The following IGSF10 variants were observed in gnomAD, a reference collection of about 807,000 sequenced individuals.
The protein encoded by IGSF10 is immunoglobulin superfamily member 10.
IGSF10 carries 126 observed loss-of-function variants against 128.2 expected under a neutral mutation model. That is an observed-to-expected ratio of 0.98 (90% CI 0.85 to 1.14). The LOEUF is 1.14. Ranked by LOEUF, IGSF10 falls within the 50% of genes most tolerant of loss-of-function variation. IGSF10 has a pLI of 0.00. For missense variants in IGSF10, 3,295 were observed against 3,149.8 expected (o/e 1.05, Z -1.10); for synonymous variants, 1,185 against 1,146.2 (o/e 1.03, Z -0.68).
At chr3:151,462,191 G>A (rs563034778), upstream of IGSF10, among the ~76,000 whole-genome samples, 10 of 152,038 alleles carry the variant, frequency 6.6e-5, no homozygotes, top group African/African-American at 2.2e-4. Flanking sequence ...TTCCTTCCAC[G>A]TAGTTACATA....
At chr3:151,572,364 T>G in the IGSF10 span, among the ~76,000 whole-genome samples, 7 of 152,202 alleles carry the variant, frequency 4.6e-5, no homozygotes, top group African/African-American at 9.7e-5. Context: ...CTTTTTTTAG[T>G]TGGTAGGCTA....
chr3:151,461,455 C>T, upstream of IGSF10: 1 of 980,010 alleles, frequency 1.0e-6, no homozygotes, highest in Non-Finnish European at 1.2e-6. Context: ...TTATTTAAAC[C>T]CCTCTTTTAA....
chr3:151,432,702 T>C (rs535836726), downstream of IGSF10: 11 of 1,386,476 alleles, frequency 7.9e-6, no homozygotes, highest in African/African-American at 1.4e-4. Context: ...CATCCATCTG[T>C]GCAATAGTTT....
At position 151,446,218 on chromosome 3, in the gene IGSF10, G is replaced by C; in HGVS notation, c.3763C>G (p.Leu1255Val). The stretch of plus-strand genomic sequence containing the variant: ...GGAATTTGCATCACACTTGTTGAAA[G>C]TGTGGTGAAATGGAAAGGGGAGACT... ...DKVSPFHFTT[L>V]STSVMQIPSN... The change falls in exon 6 of 8, where the codon CTT (leucine) becomes GTT (valine). Residue 1255 changes from leucine to valine, a missense_variant. Transcript: ENST00000282466. 8 of 1,613,758 alleles carry C rather than the reference G, an allele frequency of 5.0e-6. No homozygotes were observed. The highest frequency in any genetic ancestry group is 6.8e-6 in the Non-Finnish European group (8 of 1,179,654).
chr3:151,511,410 A>G, the IGSF10 span, among the ~76,000 whole-genome samples: 2 of 152,236 alleles, frequency 1.3e-5, no homozygotes, highest in African/African-American at 4.8e-5. Context: ...CAGGCAAGCA[A>G]ATGCTGAGAG....
the IGSF10 span, among the ~76,000 whole-genome samples, chr3:151,469,146 C>G: frequency 7.9e-5 from 12 of 152,312 alleles, no homozygotes; most frequent in South Asian, 2.5e-3. Flanking sequence ...CATTGTTGGG[C>G]ATTTGGGTTG....
chr3:151,556,733 A>C, the IGSF10 span, among the ~76,000 whole-genome samples: 10 of 152,062 alleles, frequency 6.6e-5, no homozygotes, highest in Non-Finnish European at 1.0e-4. Context: ...ATGGTAGGTA[A>C]GTTTCAGATT....
chr3:151,452,152 G>C (rs1200628856), intron 5 of IGSF10, among the ~76,000 whole-genome samples: 1 of 152,212 alleles, frequency 6.6e-6, no homozygotes, highest in African/African-American at 2.4e-5. Context: ...GATAACACTT[G>C]ATTATTAAGA....
chr3:151,587,933 G>A, the IGSF10 span, among the ~76,000 whole-genome samples: 2 of 152,198 alleles, frequency 1.3e-5, no homozygotes, highest in African/African-American at 4.8e-5. Flanking sequence ...ACATGGAACT[G>A]TAAGTCCAAT....
At chr3:151,473,925 A>G in the IGSF10 span, among the ~76,000 whole-genome samples, 1 of 152,066 alleles carries the variant, frequency 6.6e-6, no homozygotes, top group Admixed American at 6.6e-5. Flanking sequence ...ACTAGCTTTG[A>G]AAAAGATAAG....
chr3:151,473,700 A>G, the IGSF10 span, among the ~76,000 whole-genome samples: 1 of 151,892 alleles, frequency 6.6e-6, no homozygotes, highest in Non-Finnish European at 1.5e-5. Flanking sequence ...AACTTGACTG[A>G]CCTCTGCTCA....
chr3:151,468,956 C>T, the IGSF10 span, among the ~76,000 whole-genome samples: 5 of 152,296 alleles, frequency 3.3e-5, no homozygotes, highest in Admixed American at 2.0e-4. Flanking sequence ...TCTCATTGTT[C>T]AGCTCCCACT....
the IGSF10 span, among the ~76,000 whole-genome samples, chr3:151,587,695 TC>T: frequency 6.6e-6 from 1 of 152,226 alleles, no homozygotes; most frequent in Non-Finnish European, 1.5e-5. Flanking sequence ...GAATTGTAAC[TC>T]CCATAATTCC....
the IGSF10 span, among the ~76,000 whole-genome samples, chr3:151,567,541 C>T: frequency 6.6e-6 from 1 of 152,120 alleles, no homozygotes; most frequent in African/African-American, 2.4e-5. Context: ...ATGGCCTCTC[C>T]CAGCATTAGT....
Position 151,445,358 on chromosome 3 carries a change from G to A in IGSF10, c.4623C>T (p.Phe1541=), listed in dbSNP as rs146031878. ...NAKFTIGTTH[F]IYSNLLHSTP... ...TAGAATGTAACAGATTAGAGTAGAT[G>A]AAGTGAGTGGTTCCAATTGTGAACT... is the stretch of plus-strand genomic sequence containing the variant. The change falls in exon 6 of 8, where the codon TTC becomes TTT. Residue 1541 remains phenylalanine (F), a synonymous_variant. Coordinates refer to ENST00000282466, the MANE Select transcript of IGSF10 (RefSeq NM_178822.5). 6.2e-7 allele frequency: 1 copy of A among 1,614,094 alleles called. No homozygotes were observed. Among genetic ancestry groups the A allele is most frequent in the Non-Finnish European group, 8.5e-7 (1 of 1,180,006 alleles).
At chr3:151,435,989 A>G (rs1190535932), downstream of IGSF10, 1 of 152,196 alleles carries the variant, frequency 6.6e-6, no homozygotes, top group East Asian at 1.9e-4. Context: ...AAGAAGTTTC[A>G]TTGTATTTTT....
At chr3:151,459,656 T>C (rs1202507678) in intron 2 of IGSF10, among the ~76,000 whole-genome samples, 2 of 151,996 alleles carry the variant, frequency 1.3e-5, no homozygotes, top group Admixed American at 6.5e-5. Flanking sequence ...GGAAGAAATA[T>C]GCTCAGCTTG....
chr3:151,515,861 C>T, the IGSF10 span, among the ~76,000 whole-genome samples: 1 of 151,754 alleles, frequency 6.6e-6, no homozygotes, highest in African/African-American at 2.4e-5. Context: ...ATCCCACTAT[C>T]TGATGGGCCA....
chr3:151,618,612 C>T, the IGSF10 span, among the ~76,000 whole-genome samples: 1 of 151,776 alleles, frequency 6.6e-6, no homozygotes, highest in Admixed American at 6.6e-5. Flanking sequence ...TGCCTGTAGT[C>T]CCAGCTACTC....
Sources: gnomAD v4.1 joint callset for allele counts (sites outside exome capture counted in the v4.1 genomes callset) on GRCh38, gnomAD v4.1.1 for gene constraint, MANE v1.5 for transcripts, NCBI Gene and HGNC (gene_info 2026-07-23, HGNC 2026-07-21) for gene names.